WWOX: variants seen among roughly 807,000 people sequenced by gnomAD.
WWOX encodes the protein WW domain containing oxidoreductase, also known as WW domain-containing oxidoreductase.
In WWOX, 69 loss-of-function variants were observed where a neutral mutation model predicts 46.2. The ratio of observed to expected loss-of-function variants is 1.49; its 90% confidence interval spans 1.23 to 1.82. WWOX has a LOEUF of 1.82. Ranked by LOEUF, WWOX falls within the 40% of genes most tolerant of loss-of-function variation. The pLI is 0.00. For missense variants in WWOX, 919 were observed against 542.6 expected (o/e 1.69, Z -6.89); for synonymous variants, 359 against 202.6 (o/e 1.77, Z -6.56).
At chr16:78,453,660 T>G (rs1352293332) in intron 8 of WWOX, among the ~76,000 whole-genome samples, 1 of 152,178 alleles carries the variant, frequency 6.6e-6, no homozygotes, top group Admixed American at 6.5e-5. Context: ...TTTTTTACTC[T>G]GTTTATGAAT....
intron 5 of WWOX, among the ~76,000 whole-genome samples, chr16:78,337,477 C>A (rs938899410): frequency 1.3e-5 from 2 of 152,074 alleles, no homozygotes; most frequent in African/African-American, 4.8e-5. Flanking sequence ...AAACCAATAT[C>A]GATACATTAT....
intron 8 of WWOX, among the ~76,000 whole-genome samples, chr16:78,791,175 C>T (rs537449106): frequency 2.0e-5 from 3 of 152,200 alleles, no homozygotes; most frequent in East Asian, 1.9e-4. Flanking sequence ...TCCTGACTAC[C>T]ATCTGGATGT....
intron 8 of WWOX, among the ~76,000 whole-genome samples, chr16:78,586,286 G>T (rs922611872): frequency 2.0e-5 from 3 of 152,172 alleles, no homozygotes; most frequent in African/African-American, 7.2e-5. Flanking sequence ...GACAGAGCAA[G>T]ATTCTGCCTT....
chr16:78,309,992 C>G (rs923236981), intron 5 of WWOX, among the ~76,000 whole-genome samples: 18 of 152,232 alleles, frequency 1.2e-4, no homozygotes, highest in East Asian at 7.7e-4. Flanking sequence ...CATTAATACG[C>G]ATTTAGTTAC....
intron 8 of WWOX, among the ~76,000 whole-genome samples, chr16:78,536,144 A>G (rs1242446721): frequency 1.3e-5 from 2 of 152,174 alleles, no homozygotes; most frequent in African/African-American, 4.8e-5. Context: ...CCTTAGGTTT[A>G]AGATACAGGC....
At chr16:79,168,857 G>A (rs1250087667) in intron 8 of WWOX, among the ~76,000 whole-genome samples, 7 of 152,112 alleles carry the variant, frequency 4.6e-5, no homozygotes, top group Non-Finnish European at 1.0e-4. Flanking sequence ...CTGTGGCCTC[G>A]AGTTCCTTAA....
intron 8 of WWOX, among the ~76,000 whole-genome samples, chr16:78,874,881 G>C (rs1305164221): frequency 6.6e-6 from 1 of 152,090 alleles, no homozygotes; most frequent in African/African-American, 2.4e-5. Flanking sequence ...TGATCCCTCA[G>C]ATAGGCCCAA....
At chr16:78,709,186 G>T (rs1042666292) in intron 8 of WWOX, among the ~76,000 whole-genome samples, 2 of 152,202 alleles carry the variant, frequency 1.3e-5, no homozygotes, top group African/African-American at 2.4e-5. Flanking sequence ...GAGGGGTTCT[G>T]TGTGTGTGGA....
At chr16:79,187,726 G>T (rs1170195710) in intron 8 of WWOX, among the ~76,000 whole-genome samples, 1 of 152,118 alleles carries the variant, frequency 6.6e-6, no homozygotes, top group Non-Finnish European at 1.5e-5. Context: ...ATTTTTAGTA[G>T]AGATGGGGTT....
chr16:79,146,543 A>G (rs949985091), intron 8 of WWOX, among the ~76,000 whole-genome samples: 2 of 152,296 alleles, frequency 1.3e-5, no homozygotes, highest in Middle Eastern at 3.4e-3. Flanking sequence ...CATTTAACCT[A>G]TCTGAAGCTT....
At chr16:78,756,724 GGTGGTGGACA>G (rs2049658116) in intron 8 of WWOX, among the ~76,000 whole-genome samples, 2 of 152,104 alleles carry the variant, frequency 1.3e-5, no homozygotes, top group Non-Finnish European at 2.9e-5. Context: ...CTAATTTTAA[GGTGGTGGACA>G]AAGAATCAAA....
In WWOX at chr16:78,265,148, A is replaced by T. The variant is rs375153133; in HGVS notation, c.516+100859A>T. 6.9e-4 allele frequency among the ~76,000 whole-genome samples: 104 copies of T among 151,330 alleles called. 3 individuals are homozygous for T. In the East Asian group the frequency reaches 0.017, roughly 25 times the overall value. ...CCCAAGTTGCTGGGATTACAGGTGC[A>T]TGGCACCATGCCTAGCTAATTTTTG... On this transcript the variant is annotated intron_variant, in intron 5 of 8. Coordinates refer to ENST00000566780, the MANE Select transcript of WWOX (RefSeq NM_016373.4).
chr16:79,148,623 T>TTTAAATCTATAGGTCTAACA (rs1291489137), intron 8 of WWOX, among the ~76,000 whole-genome samples: 2 of 152,182 alleles, frequency 1.3e-5, no homozygotes, highest in African/African-American at 4.8e-5. Context: ...TTTAATGGGG[T>TTTAAATCTATAGGTCTAACA]TTAAATCTAT....
chr16:78,873,399 G>C (rs966731563), intron 8 of WWOX: 1 of 151,654 alleles, frequency 6.6e-6, no homozygotes, highest in Non-Finnish European at 1.5e-5. Context: ...CTTTTAAATA[G>C]CAGCACAAAT....
intron 8 of WWOX, among the ~76,000 whole-genome samples, chr16:79,207,989 G>T (rs1265264017): frequency 1.3e-5 from 2 of 152,118 alleles, no homozygotes; most frequent in Admixed American, 1.3e-4. Context: ...AGATCTGAGG[G>T]CCTCAACTAT....
intron 8 of WWOX, among the ~76,000 whole-genome samples, chr16:79,107,386 C>T (rs1352601851): frequency 6.6e-6 from 1 of 152,196 alleles, no homozygotes; most frequent in Non-Finnish European, 1.5e-5. Flanking sequence ...CCGCGCCCAG[C>T]CCAAAATGAC....
intron 4 of WWOX, among the ~76,000 whole-genome samples, chr16:78,130,837 A>C (rs758810546): frequency 8.5e-5 from 13 of 152,218 alleles, no homozygotes; most frequent in African/African-American, 3.1e-4. Flanking sequence ...AAACACACCA[A>C]AATGCAGTCA....
intron 8 of WWOX, among the ~76,000 whole-genome samples, chr16:78,580,135 G>A (rs1448356165): frequency 6.6e-6 from 1 of 150,678 alleles, no homozygotes; most frequent in Non-Finnish European, 1.5e-5. Context: ...GTGCAGTGGT[G>A]CAATCTCGGC....
intron 8 of WWOX, among the ~76,000 whole-genome samples, chr16:78,915,420 T>C (rs1373578044): frequency 6.6e-6 from 1 of 152,160 alleles, no homozygotes; most frequent in Admixed American, 6.5e-5. Context: ...TACAGGGCAA[T>C]CATAAATGTA....
Sources: allele counts gnomAD v4.1 joint callset (sites outside exome capture counted in the v4.1 genomes callset), GRCh38; gene constraint gnomAD v4.1.1; transcripts MANE v1.5; gene names NCBI Gene and HGNC (gene_info 2026-07-23, HGNC 2026-07-21).